The following PPARD variants were observed in gnomAD, a reference collection of about 807,000 sequenced individuals.
PPARD encodes peroxisome proliferator activated receptor delta, also known as peroxisome proliferator-activated receptor delta.
Under a neutral mutation model 39.5 loss-of-function variants are expected in PPARD, and 6 were observed. The ratio of observed to expected loss-of-function variants is 0.15; its 90% CI spans 0.08 to 0.30. The LOEUF is 0.30. Ranked by LOEUF, PPARD falls within the 10% of genes least tolerant of loss-of-function variation. The probability of loss-of-function intolerance (pLI) is 1.00; values close to 1 mark genes in which losing one functional copy is unlikely to be tolerated. For missense variants in PPARD, 397 were observed against 596.8 expected (o/e 0.67, Z 3.49); for synonymous variants, 210 against 231.3 (o/e 0.91, Z 0.83).
At chr6:35,362,063 A>G (rs1009295906) in intron 2 of PPARD, among the ~76,000 whole-genome samples, 15 of 152,208 alleles carry the variant, frequency 9.9e-5, no homozygotes, top group Admixed American at 2.0e-4. Context: ...GAAAAAAGTA[A>G]TATATTATCA....
chr6:35,419,376 A>G (rs1306273100), intron 3 of PPARD, among the ~76,000 whole-genome samples: 1 of 152,180 alleles, frequency 6.6e-6, no homozygotes, highest in South Asian at 2.1e-4. Context: ...TTATGAAATC[A>G]TCTGACAGCA....
intron 2 of PPARD, among the ~76,000 whole-genome samples, chr6:35,372,330 A>G (rs1582325273): frequency 6.6e-6 from 1 of 152,170 alleles, no homozygotes; most frequent in Admixed American, 6.5e-5. Flanking sequence ...GGCTCCCGCC[A>G]CCATGCCCGG....
chr6:35,356,625 G>A (rs1761628233), intron 2 of PPARD, among the ~76,000 whole-genome samples: 1 of 152,160 alleles, frequency 6.6e-6, no homozygotes, highest in Admixed American at 6.5e-5. Flanking sequence ...GGCTGTTTGT[G>A]CATTGTAGGA....
At chr6:35,423,499 C>G (rs1473161878) in intron 5 of PPARD, among the ~76,000 whole-genome samples, 6 of 151,232 alleles carry the variant, frequency 4.0e-5, no homozygotes. Context: ...TGCCACTGCA[C>G]TCCAGCCTGG....
At chr6:35,394,747 C>T (rs1357443442) in intron 2 of PPARD, among the ~76,000 whole-genome samples, 2 of 148,904 alleles carry the variant, frequency 1.3e-5, no homozygotes, top group Admixed American at 6.7e-5. Flanking sequence ...CTCCAACCTA[C>T]GTGACAGAGT....
chr6:35,421,315 T>TTTTTG (rs199709248), intron 4 of PPARD, among the ~76,000 whole-genome samples: 2 of 77,788 alleles, frequency 2.6e-5, no homozygotes, highest in East Asian at 3.9e-4. Flanking sequence ...TTGTGTTTTT[T>TTTTTG]TTTTGTTTTG....
rs1470142206 is a variant in PPARD at position 35,364,517 on chromosome 6, T to A, written c.-102+17367T>A. 2.0e-5 allele frequency among the ~76,000 whole-genome samples: 3 copies of A among 149,328 alleles called. No homozygotes were observed. The East Asian group carries it at 6.0e-4, about 30-fold the overall frequency. On this transcript the variant is annotated intron_variant, in intron 2 of 7. Coordinates refer to ENST00000360694, the MANE Select transcript of PPARD (RefSeq NM_006238.5). ...GGCACGATCTTGGCTCACTGCAACCTGAACCTCCCTGGTTCAAGCAATTTC... is the reference window on the plus strand; with the variant it reads ...GGCACGATCTTGGCTCACTGCAACCAGAACCTCCCTGGTTCAAGCAATTTC...
intron 2 of PPARD, among the ~76,000 whole-genome samples, chr6:35,393,760 C>G (rs148929513): frequency 1.8e-3 from 281 of 152,314 alleles, no homozygotes; most frequent in African/African-American, 6.4e-3. Flanking sequence ...TGTCCTTTCA[C>G]TCTGGTTCTT....
At chr6:35,350,088 C>A (rs765168943) in intron 2 of PPARD, among the ~76,000 whole-genome samples, 4 of 152,126 alleles carry the variant, frequency 2.6e-5, no homozygotes, top group Non-Finnish European at 5.9e-5. Flanking sequence ...TTTTGCCCAT[C>A]CTTTTATTAG....
chr6:35,418,188 G>A (rs1467527460), intron 3 of PPARD, among the ~76,000 whole-genome samples: 1 of 152,226 alleles, frequency 6.6e-6, no homozygotes, highest in Non-Finnish European at 1.5e-5. Flanking sequence ...GCCCCAACAC[G>A]AGCATATGCT....
intron 2 of PPARD, among the ~76,000 whole-genome samples, chr6:35,384,326 G>A (rs1328357251): frequency 2.2e-5 from 3 of 139,116 alleles, no homozygotes; most frequent in Non-Finnish European, 4.7e-5. Flanking sequence ...TCAGCCTCCC[G>A]CCCGGCCAGC....
intron 3 of PPARD, among the ~76,000 whole-genome samples, chr6:35,415,655 C>T (rs2299869): frequency 0.018 from 2,738 of 152,242 alleles, 237 homozygotes; most frequent in East Asian, 0.12. Context: ...CGGTACTGAA[C>T]ATGTAGGTAT....
intron 2 of PPARD, among the ~76,000 whole-genome samples, chr6:35,390,342 A>G (rs1263056423): frequency 6.6e-6 from 1 of 152,174 alleles, no homozygotes. Flanking sequence ...ATAGGGGTCT[A>G]GGTCAGTGCT....
rs1233950363 is a variant in PPARD at position 35,401,546 on chromosome 6, C to T, written c.-101-9441C>T. On this transcript the variant is annotated intron_variant, in intron 2 of 7. Coordinates refer to ENST00000360694, the MANE Select transcript of PPARD (RefSeq NM_006238.5). The surrounding 1 kb of genome is among the most constrained non-coding windows in gnomAD (Gnocchi z 4.1). ...ACGCTGAGTGACCTCTAGCCACAGC[C>T]CTTCTCTCTACCCACAGACAGCCCA... 2.6e-5 allele frequency among the ~76,000 whole-genome samples: 4 copies of T among 152,028 alleles called. No homozygotes were observed. Among genetic ancestry groups the T allele is most frequent in the East Asian group, 1.9e-4 (1 of 5,194 alleles).
At chr6:35,390,051 G>T (rs542280312) in intron 2 of PPARD, among the ~76,000 whole-genome samples, 1 of 152,312 alleles carries the variant, frequency 6.6e-6, no homozygotes, top group African/African-American at 2.4e-5. Context: ...AGAGTGGGGT[G>T]CCCCAGCCAA....
At chr6:35,410,696 G>A (rs1765369161) in intron 2 of PPARD, among the ~76,000 whole-genome samples, 1 of 152,212 alleles carries the variant, frequency 6.6e-6, no homozygotes, top group Admixed American at 6.5e-5. Context: ...CAGAACAGAA[G>A]GCAGCAGAGG....
intron 2 of PPARD, among the ~76,000 whole-genome samples, chr6:35,380,466 T>TTTG (rs375090655): frequency 1.6e-5 from 2 of 121,462 alleles, no homozygotes; most frequent in Non-Finnish European, 3.1e-5. Context: ...CGTGTTTTTT[T>TTTG]TTTTTGTTTG....
intron 3 of PPARD, among the ~76,000 whole-genome samples, chr6:35,419,337 G>T (rs1765989572): frequency 6.6e-6 from 1 of 152,154 alleles, no homozygotes; most frequent in South Asian, 2.1e-4. Context: ...AGTGTCCAAA[G>T]GGCACTGGGA....
At chr6:35,394,132 T>C (rs1448570133) in intron 2 of PPARD, among the ~76,000 whole-genome samples, 1 of 152,238 alleles carries the variant, frequency 6.6e-6, no homozygotes, top group Non-Finnish European at 1.5e-5. Context: ...TTCCCTCCTG[T>C]TCTTAGACTG....
Sources: gnomAD v4.1 joint callset for allele counts (sites outside exome capture counted in the v4.1 genomes callset) on GRCh38, gnomAD v4.1.1 for gene constraint, Gnocchi (gnomAD v3.1) non-coding constraint, MANE v1.5 for transcripts, NCBI Gene and HGNC (gene_info 2026-07-23, HGNC 2026-07-21) for gene names.